MSRB3: variants seen among roughly 807,000 people sequenced by gnomAD.
MSRB3 encodes methionine-R-sulfoxide reductase B3.
Under a neutral mutation model 21.0 loss-of-function variants are expected in MSRB3, and 13 were observed. The observed-to-expected ratio is 0.62, with a 90% confidence interval of 0.40 to 0.98. The LOEUF is 0.98. Ranked by LOEUF, MSRB3 falls within the 50% of genes least tolerant of loss-of-function variation. MSRB3 has a pLI of 0.00. For synonymous variants in MSRB3, 87 were observed against 88.6 expected (o/e 0.98, Z 0.10); for missense variants, 199 against 230.3 (o/e 0.86, Z 0.88).
chr12:65,322,968 G>A (rs921914938), intron 2 of MSRB3, among the ~76,000 whole-genome samples: 4 of 152,068 alleles, frequency 2.6e-5, no homozygotes, highest in African/African-American at 7.2e-5. Flanking sequence ...AACAAGATAA[G>A]GTGTGAGGAA....
At chr12:65,349,681 G>C (rs1592551064) in intron 4 of MSRB3, among the ~76,000 whole-genome samples, 1 of 148,808 alleles carries the variant, frequency 6.7e-6, no homozygotes, top group Non-Finnish European at 1.5e-5. Flanking sequence ...ATTTTTTCAA[G>C]TGTTTTTTGG....
At chr12:65,449,185 C>CGCCT (rs1882750020) in intron 5 of MSRB3, among the ~76,000 whole-genome samples, 1 of 145,548 alleles carries the variant, frequency 6.9e-6, no homozygotes. Flanking sequence ...GCCCCCACCA[C>CGCCT]GCCTGGCTAA....
chr12:65,403,650 G>T (rs1880252280), intron 5 of MSRB3, among the ~76,000 whole-genome samples: 1 of 152,100 alleles, frequency 6.6e-6, no homozygotes, highest in African/African-American at 2.4e-5. Flanking sequence ...TGCCACTGGG[G>T]TATGAAAAAA....
intron 1 of MSRB3, among the ~76,000 whole-genome samples, chr12:65,296,344 T>G (rs1872962728): frequency 6.6e-6 from 1 of 152,204 alleles, no homozygotes; most frequent in African/African-American, 2.4e-5. Flanking sequence ...TCTCTTTCTC[T>G]CTTTTAAACT....
chr12:65,302,811 T>C (rs531041463), intron 1 of MSRB3, among the ~76,000 whole-genome samples: 15 of 152,096 alleles, frequency 9.9e-5, no homozygotes, highest in Non-Finnish European at 1.8e-4. Flanking sequence ...TTATAGAACT[T>C]TATAGTAGAC....
At chr12:65,333,238 A>G (rs1875544587) in intron 4 of MSRB3, among the ~76,000 whole-genome samples, 1 of 152,252 alleles carries the variant, frequency 6.6e-6, no homozygotes, top group South Asian at 2.1e-4. Context: ...TTTTTGGCAT[A>G]GTAAGAAAAA....
At chr12:65,449,208 T>C (rs1208514902) in intron 5 of MSRB3, among the ~76,000 whole-genome samples, 1 of 137,636 alleles carries the variant, frequency 7.3e-6, no homozygotes, top group African/African-American at 2.8e-5. Context: ...TTTTTGTATT[T>C]TTTTTTTTTT....
intron 5 of MSRB3, among the ~76,000 whole-genome samples, chr12:65,415,601 G>A (rs1880928223): frequency 6.6e-6 from 1 of 152,060 alleles, no homozygotes; most frequent in Non-Finnish European, 1.5e-5. Context: ...AGCATTTGTT[G>A]AACTGGTAAA....
At chr12:65,323,234 T>C (rs1463470253) in intron 2 of MSRB3, among the ~76,000 whole-genome samples, 2 of 152,202 alleles carry the variant, frequency 1.3e-5, no homozygotes, top group Non-Finnish European at 2.9e-5. Flanking sequence ...TGCTGTACGT[T>C]TATTTGTACT....
intron 5 of MSRB3, among the ~76,000 whole-genome samples, chr12:65,425,611 G>C (rs1314257349): frequency 6.6e-6 from 1 of 151,846 alleles, no homozygotes; most frequent in Non-Finnish European, 1.5e-5. Context: ...AGTTAACTTT[G>C]ATTGTATTAC....
In MSRB3 at chr12:65,451,389, C is replaced by T. The variant is rs79007324; in HGVS notation, c.293-2339C>T. Among the ~76,000 whole-genome samples the T allele has an allele frequency of 6.0e-3, 918 of 152,250 alleles. 10 individuals are homozygous for T. Among genetic ancestry groups the T allele is most frequent in the African/African-American group, 0.021 (884 of 41,540 alleles). On this transcript the variant is annotated intron_variant, in intron 5 of 6. Coordinates refer to ENST00000308259, the MANE Select transcript of MSRB3 (RefSeq NM_001031679.3). ...TTTGAGACCTGCACTCTGTTTCAACCTCCCTCATCCTGCTCTATTCTTCAA... is the reference window on the plus strand; with the variant it reads ...TTTGAGACCTGCACTCTGTTTCAACTTCCCTCATCCTGCTCTATTCTTCAA...
chr12:65,357,830 A>G (rs748886711), intron 4 of MSRB3, among the ~76,000 whole-genome samples: 55 of 152,086 alleles, frequency 3.6e-4, no homozygotes, highest in Non-Finnish European at 2.4e-4. Context: ...CATTTTCATC[A>G]CATCATATTA....
At chr12:65,371,480 T>C (rs2136538417) in intron 5 of MSRB3, among the ~76,000 whole-genome samples, 1 of 151,188 alleles carries the variant, frequency 6.6e-6, no homozygotes, top group East Asian at 1.9e-4. Context: ...AATGAAGGAA[T>C]ATGCCAATCT....
intron 1 of MSRB3, among the ~76,000 whole-genome samples, chr12:65,307,814 A>G (rs896019419): frequency 6.6e-6 from 1 of 152,218 alleles, no homozygotes; most frequent in African/African-American, 2.4e-5. Flanking sequence ...ATTATAAATC[A>G]TATAATTAAA....
At chr12:65,370,069 C>T (rs1390749919) in intron 5 of MSRB3, among the ~76,000 whole-genome samples, 2 of 152,046 alleles carry the variant, frequency 1.3e-5, no homozygotes, top group African/African-American at 2.4e-5. Flanking sequence ...TTTGAGTTAA[C>T]AAATTTACCT....
chr12:65,344,853 C>T (rs1275102337), intron 4 of MSRB3, among the ~76,000 whole-genome samples: 2 of 152,002 alleles, frequency 1.3e-5, no homozygotes, highest in African/African-American at 4.8e-5. Flanking sequence ...AATTTGCAAA[C>T]CTCACTGTCC....
chr12:65,372,613 C>T (rs1395793168), intron 5 of MSRB3, among the ~76,000 whole-genome samples: 1 of 152,176 alleles, frequency 6.6e-6, no homozygotes, highest in Non-Finnish European at 1.5e-5. Context: ...TAGCAAGAAG[C>T]TATACTCTTC....
intron 4 of MSRB3, among the ~76,000 whole-genome samples, chr12:65,329,551 G>A (rs1368994452): frequency 6.6e-6 from 1 of 151,906 alleles, no homozygotes; most frequent in Non-Finnish European, 1.5e-5. Context: ...TCGGGAGGCT[G>A]AGGCAGGAGA....
intron 2 of MSRB3, among the ~76,000 whole-genome samples, chr12:65,321,540 T>A (rs889066075): frequency 6.6e-6 from 1 of 152,148 alleles, no homozygotes; most frequent in Non-Finnish European, 1.5e-5. Flanking sequence ...TATGTCTACT[T>A]TGAGAGAAAA....
Sources: gnomAD v4.1 joint callset for allele counts (sites outside exome capture counted in the v4.1 genomes callset) on GRCh38, gnomAD v4.1.1 for gene constraint, MANE v1.5 for transcripts, NCBI Gene and HGNC (gene_info 2026-07-23, HGNC 2026-07-21) for gene names.